Variants in HYCC2 observed in about 807,000 individuals in gnomAD.
HYCC2 encodes hyccin PI4KA lipid kinase complex subunit 2, also known as hyccin 2.
chr2:201,026,065 G>A, the HYCC2 span, among the ~76,000 whole-genome samples: 10 of 152,110 alleles, frequency 6.6e-5, no homozygotes, highest in Non-Finnish European at 2.9e-5. Context: ...GTATTCAGGA[G>A]ACCCATCTCA....
At chr2:201,017,098 G>T in the HYCC2 span, 1 of 1,614,026 alleles carries the variant, frequency 6.2e-7, no homozygotes. Flanking sequence ...AAGAACTGCA[G>T]TGTGAACCTC....
chr2:201,025,847 C>T, the HYCC2 span, among the ~76,000 whole-genome samples: 1 of 151,996 alleles, frequency 6.6e-6, no homozygotes, highest in East Asian at 1.9e-4. Flanking sequence ...TTGCTTGAGG[C>T]CAGGAGCTTG....
At chr2:201,007,466 G>A in the HYCC2 span, among the ~76,000 whole-genome samples, 1 of 152,128 alleles carries the variant, frequency 6.6e-6, no homozygotes, top group Non-Finnish European at 1.5e-5. Context: ...GTTTACATAG[G>A]TACTTGAAGT....
chr2:201,063,570 A>C, the HYCC2 span: 1 of 1,586,212 alleles, frequency 6.3e-7, no homozygotes, highest in Non-Finnish European at 8.5e-7. Flanking sequence ...TCCGTGGATA[A>C]GATTGTCATT....
chr2:201,007,610 G>A, the HYCC2 span, among the ~76,000 whole-genome samples: 1 of 152,198 alleles, frequency 6.6e-6, no homozygotes, highest in Non-Finnish European at 1.5e-5. Context: ...CTCCTAGGAA[G>A]TTAATCTGAT....
chr2:201,064,580 A>G, the HYCC2 span, among the ~76,000 whole-genome samples: 1 of 152,178 alleles, frequency 6.6e-6, no homozygotes, highest in Non-Finnish European at 1.5e-5. Context: ...CCTGAAGTTC[A>G]CCATTAAAAG....
the HYCC2 span, among the ~76,000 whole-genome samples, chr2:201,057,788 A>T: frequency 6.6e-6 from 1 of 152,158 alleles, no homozygotes; most frequent in Non-Finnish European, 1.5e-5. Context: ...CATTGACCTT[A>T]CAGAGAAGTA....
At chr2:201,057,848 A>C in the HYCC2 span, among the ~76,000 whole-genome samples, 1 of 152,338 alleles carries the variant, frequency 6.6e-6, no homozygotes, top group South Asian at 2.1e-4. Context: ...AACTTCAAAC[A>C]GTATCTCGTT....
chr2:201,023,078 G>T, the HYCC2 span: 1 of 559,064 alleles, frequency 1.8e-6, no homozygotes, highest in South Asian at 2.6e-5. Flanking sequence ...GCTGGGCACA[G>T]TGGCTCACGT....
At chr2:201,041,618 G>C in the HYCC2 span, among the ~76,000 whole-genome samples, 1 of 152,066 alleles carries the variant, frequency 6.6e-6, no homozygotes, top group Non-Finnish European at 1.5e-5. Flanking sequence ...CTAGAACTTC[G>C]GGGTTTGTAA....
At chr2:201,042,910 G>A in the HYCC2 span, among the ~76,000 whole-genome samples, 8,983 of 151,088 alleles carry the variant, frequency 0.059, 366 homozygotes, top group African/African-American at 0.11. Context: ...CCCTCTGCCC[G>A]GCCGCCACCC....
the HYCC2 span, among the ~76,000 whole-genome samples, chr2:201,036,626 C>A: frequency 1.3e-5 from 2 of 152,144 alleles, no homozygotes; most frequent in South Asian, 4.1e-4. Context: ...AGCATATAAA[C>A]AGAACCAAAG....
chr2:201,068,247 A>G, the HYCC2 span, among the ~76,000 whole-genome samples: 2 of 152,060 alleles, frequency 1.3e-5, no homozygotes, highest in African/African-American at 4.8e-5. Flanking sequence ...AGATCGCGCC[A>G]CTGCACTCCA....
At chr2:201,035,195 GT>G in the HYCC2 span, among the ~76,000 whole-genome samples, 1 of 152,170 alleles carries the variant, frequency 6.6e-6, no homozygotes, top group East Asian at 1.9e-4. Context: ...CCTGCAGAGT[GT>G]TTTCCAACTT....
chr2:200,993,070 A>G, the HYCC2 span: 4 of 1,116,812 alleles, frequency 3.6e-6, no homozygotes, highest in Non-Finnish European at 5.4e-6. Context: ...TTGTTTTCCT[A>G]AATTCATTTA....
chr2:201,071,177 C>T, the HYCC2 span, among the ~76,000 whole-genome samples: 275 of 152,274 alleles, frequency 1.8e-3, 2 homozygotes, highest in African/African-American at 6.4e-3. Context: ...TTTTCTTCTC[C>T]GCTCCCCCTC....
the HYCC2 span, among the ~76,000 whole-genome samples, chr2:201,005,103 G>T: frequency 1.3e-5 from 2 of 151,810 alleles, no homozygotes; most frequent in South Asian, 4.1e-4. Flanking sequence ...TGCGTGGAAT[G>T]AAAGCAATTG....
At chr2:200,985,531 C>T in the HYCC2 span, among the ~76,000 whole-genome samples, 2 of 151,962 alleles carry the variant, frequency 1.3e-5, no homozygotes, top group African/African-American at 2.4e-5. Context: ...GCTGTGGTGG[C>T]GTGCCTGTAG....
chr2:201,008,894 C>T, the HYCC2 span: 1 of 904,438 alleles, frequency 1.1e-6, no homozygotes, highest in Non-Finnish European at 1.8e-6. Flanking sequence ...CAGAGTGAGA[C>T]TCTGTCATTC....
Sources: allele counts gnomAD v4.1 joint callset (sites outside exome capture counted in the v4.1 genomes callset), GRCh38; gene constraint gnomAD v4.1.1; transcripts MANE v1.5; gene names NCBI Gene and HGNC (gene_info 2026-07-23, HGNC 2026-07-21).